NRXN1: variants seen among roughly 807,000 people sequenced by gnomAD.
NRXN1 encodes the protein neurexin 1.
In NRXN1, 39 loss-of-function variants were observed where a neutral mutation model predicts 150.9. The ratio of observed to expected loss-of-function variants is 0.26; its 90% CI spans 0.20 to 0.34. The LOEUF (loss-of-function observed/expected upper bound fraction) is 0.34, where lower values mean the gene tolerates loss of function less well. Among genes scored for constraint, NRXN1 ranks in the 10% least tolerant of loss-of-function variants. The probability of loss-of-function intolerance (pLI) is 1.00; values close to 1 mark genes in which losing one functional copy is unlikely to be tolerated. For synonymous variants in NRXN1, 924 were observed against 757.0 expected (o/e 1.22, Z -3.62); for missense variants, 1,815 against 1,949.9 (o/e 0.93, Z 1.30).
chr2:50,160,351 A>T (rs1472392426), intron 18 of NRXN1, among the ~76,000 whole-genome samples: 1 of 151,334 alleles, frequency 6.6e-6, no homozygotes, highest in East Asian at 2.0e-4. Flanking sequence ...AACCAGCCTG[A>T]CCAACATGGT....
intron 18 of NRXN1, among the ~76,000 whole-genome samples, chr2:50,099,974 T>C (rs1700778933): frequency 6.6e-6 from 1 of 152,138 alleles, no homozygotes; most frequent in Admixed American, 6.6e-5. Context: ...AAATCCTAAA[T>C]GTAAGGCAAA....
At chr2:50,272,927 A>G (rs1459070692) in intron 17 of NRXN1, among the ~76,000 whole-genome samples, 1 of 152,248 alleles carries the variant, frequency 6.6e-6, no homozygotes, top group East Asian at 1.9e-4. Context: ...AATTTTTACA[A>G]CCAATAAGAT....
intron 15 of NRXN1, among the ~76,000 whole-genome samples, chr2:50,473,263 T>A (rs753857729): frequency 3.9e-5 from 6 of 151,992 alleles, no homozygotes; most frequent in Non-Finnish European, 8.8e-5. Flanking sequence ...CTTATTTTTC[T>A]AATTTTATTG....
intron 2 of NRXN1, among the ~76,000 whole-genome samples, chr2:51,023,388 T>C (rs1435407553): frequency 6.6e-6 from 1 of 152,208 alleles, no homozygotes; most frequent in East Asian, 1.9e-4. Flanking sequence ...GAGTTAGAGC[T>C]CCATGCTTAA....
chr2:49,924,963 G>T lies in NRXN1; in HGVS notation c.4217-2712C>A, dbSNP rs373864333. Among the ~76,000 whole-genome samples the T allele has an allele frequency of 1.6e-3, 251 of 152,204 alleles. 1 individual carries two copies. The highest frequency in any genetic ancestry group is 5.9e-3 in the African/African-American group (243 of 41,530). On this transcript the variant is annotated intron_variant, in intron 22 of 22. Coordinates refer to ENST00000401669, the MANE Select transcript of NRXN1 (RefSeq NM_001330078.2). ...TATGCTTCAAATCTGAAGGCTAAGT[G>T]AAATTTTTCTTAACTTTTCTTCTGA...
chr2:50,295,331 G>A (rs1180426849), intron 17 of NRXN1, among the ~76,000 whole-genome samples: 1 of 152,162 alleles, frequency 6.6e-6, no homozygotes, highest in African/African-American at 2.4e-5. Flanking sequence ...TCTATCCCAA[G>A]TCCTACAAAT....
chr2:50,265,309 T>G (rs1023820812), intron 17 of NRXN1, among the ~76,000 whole-genome samples: 9 of 152,106 alleles, frequency 5.9e-5, no homozygotes, highest in Admixed American at 3.9e-4. Context: ...AACTTCCTGT[T>G]AATTAATCCT....
intron 12 of NRXN1, among the ~76,000 whole-genome samples, chr2:50,518,887 T>C (rs2092701142): frequency 6.9e-6 from 1 of 145,094 alleles, no homozygotes; most frequent in African/African-American, 2.6e-5. Context: ...TATAAACTTT[T>C]TCCAAAAGTA....
At chr2:50,219,867 C>T (rs1174825069) in intron 18 of NRXN1, among the ~76,000 whole-genome samples, 2 of 138,488 alleles carry the variant, frequency 1.4e-5, no homozygotes, top group Non-Finnish European at 3.1e-5. Context: ...TCTAATGAGA[C>T]CTTGTGACTA....
At chr2:50,216,749 C>G (rs757958252) in intron 18 of NRXN1, among the ~76,000 whole-genome samples, 38 of 151,958 alleles carry the variant, frequency 2.5e-4, no homozygotes, top group African/African-American at 8.0e-4. Flanking sequence ...AAGTTCAACA[C>G]AAGTTTTAAT....
intron 17 of NRXN1, among the ~76,000 whole-genome samples, chr2:50,463,071 A>G (rs2088414401): frequency 6.6e-6 from 1 of 151,822 alleles, no homozygotes; most frequent in Admixed American, 6.6e-5. Flanking sequence ...AAGAAGTGAA[A>G]TGCCTTAAAT....
intron 5 of NRXN1, among the ~76,000 whole-genome samples, chr2:50,900,415 G>A: frequency 6.6e-6 from 1 of 152,126 alleles, no homozygotes; most frequent in East Asian, 1.9e-4. Context: ...TCTAGTTGAG[G>A]TTATTAGGTC....
intron 5 of NRXN1, among the ~76,000 whole-genome samples, chr2:50,838,270 C>T (rs553854370): frequency 4.6e-5 from 7 of 152,118 alleles, no homozygotes; most frequent in Non-Finnish European, 1.0e-4. Context: ...CATTCTGTTT[C>T]CCATAATGAA....
At chr2:50,736,819 A>G (rs1445642380) in intron 5 of NRXN1, among the ~76,000 whole-genome samples, 2 of 152,178 alleles carry the variant, frequency 1.3e-5, no homozygotes, top group Non-Finnish European at 2.9e-5. Flanking sequence ...ACAAATACAG[A>G]TATCAAAGAG....
At chr2:50,044,205 A>G (rs1691452929) in intron 21 of NRXN1, among the ~76,000 whole-genome samples, 4 of 152,212 alleles carry the variant, frequency 2.6e-5, no homozygotes, top group Admixed American at 2.6e-4. Flanking sequence ...GTTCACAATT[A>G]TAACAGTCTT....
At chr2:50,073,691 T>C (rs1160496387) in intron 19 of NRXN1, among the ~76,000 whole-genome samples, 1 of 152,164 alleles carries the variant, frequency 6.6e-6, no homozygotes, top group Non-Finnish European at 1.5e-5. Flanking sequence ...GACTCTCTGC[T>C]AATCATTTGT....
chr2:50,471,774 A>G (rs1455369872), intron 16 of NRXN1, among the ~76,000 whole-genome samples: 1 of 151,766 alleles, frequency 6.6e-6, no homozygotes, highest in East Asian at 1.9e-4. Context: ...AAAAATAACT[A>G]ATGCGTACTA....
At chr2:50,098,836 T>G (rs1700603911) in intron 18 of NRXN1, among the ~76,000 whole-genome samples, 3 of 6,488 alleles carry the variant, frequency 4.6e-4, no homozygotes, top group South Asian at 3.4e-3. Context: ...TTTAGTTTTT[T>G]TTTTTTTTTT....
At chr2:50,186,184 C>T (rs541838719) in intron 18 of NRXN1, among the ~76,000 whole-genome samples, 13 of 152,018 alleles carry the variant, frequency 8.6e-5, no homozygotes, top group Non-Finnish European at 1.9e-4. Context: ...ATAACTCTCA[C>T]AAAGAAAATT....
Sources: allele counts gnomAD v4.1 joint callset (sites outside exome capture counted in the v4.1 genomes callset), GRCh38; gene constraint gnomAD v4.1.1; transcripts MANE v1.5; gene names NCBI Gene and HGNC (gene_info 2026-07-23, HGNC 2026-07-21).